The following ORAI2 variants were observed in gnomAD, a reference collection of about 807,000 sequenced individuals.
ORAI2 encodes the protein ORAI calcium release-activated calcium modulator 2, also known as protein orai-2.
In ORAI2, 10 loss-of-function variants were observed where a neutral mutation model predicts 16.2. That is an observed-to-expected ratio of 0.62 (90% CI 0.38 to 1.04). The LOEUF is 1.04. Among genes scored for constraint, ORAI2 ranks in the 50% least tolerant of loss-of-function variants. The pLI is 0.01. For synonymous variants in ORAI2, 150 were observed against 157.5 expected (o/e 0.95, Z 0.35); for missense variants, 238 against 355.5 (o/e 0.67, Z 2.66).
At position 102,456,489 on chromosome 7, in the gene ORAI2, C is replaced by T. The variant is rs1797649992; in HGVS notation, c.*9437C>T. The T allele has an allele frequency of 6.6e-6, 1 of 152,198 alleles. No individual in the cohort carries two copies. Among genetic ancestry groups the T allele is most frequent in the African/African-American group, 2.4e-5 (1 of 41,444 alleles). The allele number at this position is 152,198 out of a possible 1,614,324, so 9.4% of individuals were successfully genotyped here. On this transcript the variant is annotated 3_prime_UTR_variant, in exon 4 of 4. Coordinates refer to ENST00000495936, the MANE Select transcript of ORAI2 (RefSeq NM_001126340.3). The stretch of plus-strand genomic sequence containing the variant: ...GGCTGGCCTCAAGCAATCCTCCCAC[C>T]TGAGCCCCGCAAAGTACTCGGATTA...
In ORAI2 at chr7:102,436,351, G is replaced by A; in HGVS notation, c.-14+18G>A. On this transcript the variant is annotated intron_variant, in intron 2 of 3. Transcript: ENST00000495936. ...ATGACCTGGTAATTGGCATCCCCTG[G>A]CAGAAATAGCACAGAACTGTTCCCA... 1.0e-6 allele frequency: 1 copy of A among 985,400 alleles called. No homozygotes were observed. Among genetic ancestry groups the A allele is most frequent in the Non-Finnish European group, 1.2e-6 (1 of 829,884 alleles). 61.0% of individuals were successfully genotyped at this position (985,400 alleles called of 1,614,324 possible).
rs568125776 is a variant in ORAI2, at chr7:102,449,530, A to C, written c.*2478A>C. The C allele has an allele frequency of 1.3e-5, 2 of 152,290 alleles. No individual in the cohort carries two copies. Among genetic ancestry groups the C allele is most frequent in the African/African-American group, 4.8e-5 (2 of 41,562 alleles). 9.4% of individuals were successfully genotyped at this position (152,290 alleles called of 1,614,324 possible). On this transcript the variant is annotated 3_prime_UTR_variant, in exon 4 of 4. Transcript: ENST00000495936. ...GACCAGCCTCGGCAACAACATGGTGAAACCATCTCTAGCAAAAATACAAAA... is the reference window on the plus strand; with the variant it reads ...GACCAGCCTCGGCAACAACATGGTGCAACCATCTCTAGCAAAAATACAAAA...
Position 102,450,988 on chromosome 7 carries a change from A to T in ORAI2, c.*3936A>T, listed in dbSNP as rs575573923. ...GGCAGAGGTGGGCGGATCGCCTGAG[A>T]TCAGGAGTTCGAGACCAGCCTGGCC... On this transcript the variant is annotated 3_prime_UTR_variant, in exon 4 of 4. Transcript: ENST00000495936. The T allele has an allele frequency of 6.6e-6, 1 of 152,214 alleles. No homozygotes were observed. The highest frequency in any genetic ancestry group is 2.1e-4 in the South Asian group (1 of 4,818). The allele number at this position is 152,214 out of a possible 1,614,324, so 9.4% of individuals were successfully genotyped here.
Position 102,451,843 on chromosome 7 carries a change from C to A in ORAI2, c.*4791C>A, listed in dbSNP as rs1797527232. ...AGGGTACTCATGTCCAGACACGCCG[C>A]CATGGGGCTCCGCCCCGAGAGCGCA... On this transcript the variant is annotated 3_prime_UTR_variant, in exon 4 of 4. Transcript: ENST00000495936. 6.6e-6 allele frequency: 1 copy of A among 152,410 alleles called. No individual in the cohort carries two copies. The highest frequency in any genetic ancestry group is 6.5e-5 in the Admixed American group (1 of 15,308). 9.4% of individuals were successfully genotyped at this position (152,410 alleles called of 1,614,324 possible). A position where few individuals can be genotyped will look rare whatever the true frequency, so the allele number is the denominator to read the frequency against.
At chr7:102,441,721 A>G (rs904227094) in intron 3 of ORAI2, among the ~76,000 whole-genome samples, 7 of 151,684 alleles carry the variant, frequency 4.6e-5, no homozygotes, top group Admixed American at 1.3e-4. Context: ...GAATCTGCAG[A>G]TGTGGAACTC....
intron 3 of ORAI2, 113 bp from the exon 4 acceptor site, chr7:102,446,400 G>A: frequency 8.7e-7 from 1 of 1,151,368 alleles, no homozygotes; most frequent in Non-Finnish European, 1.2e-6. Context: ...CAAGCCCATG[G>A]CTACCCTGTC....
intron 3 of ORAI2, among the ~76,000 whole-genome samples, chr7:102,440,189 A>T (rs997905814): frequency 2.0e-5 from 3 of 152,210 alleles, no homozygotes; most frequent in Non-Finnish European, 4.4e-5. Flanking sequence ...GGCACCACCC[A>T]AAAGTTTGGA....
chr7:102,442,154 G>A (rs900222787), intron 3 of ORAI2, among the ~76,000 whole-genome samples: 8 of 152,030 alleles, frequency 5.3e-5, no homozygotes, highest in African/African-American at 1.7e-4. Flanking sequence ...GGTGGCTCAC[G>A]CCTGTAATCC....
Position 102,433,893 on chromosome 7 carries a change from G to T in ORAI2, c.-123+232G>T, listed in dbSNP as rs550724127. ...CGGTTCCGGACACCGGGGCGTCCCTGGGGGAGGGACAGGGATGCAGCCTAG... is the reference window on the plus strand; with the variant it reads ...CGGTTCCGGACACCGGGGCGTCCCTTGGGGAGGGACAGGGATGCAGCCTAG... On this transcript the variant is annotated intron_variant, in intron 1 of 3. Coordinates refer to ENST00000495936, the MANE Select transcript of ORAI2 (RefSeq NM_001126340.3). The surrounding 1 kb of genome is among the most constrained non-coding windows in gnomAD (Gnocchi z 4.6). 6.6e-5 allele frequency among the ~76,000 whole-genome samples: 10 copies of T among 152,028 alleles called. No individual in the cohort carries two copies. The East Asian group carries it at 1.9e-3, about 30-fold the overall frequency.
intron 3 of ORAI2, among the ~76,000 whole-genome samples, chr7:102,444,508 C>T (rs1797292492): frequency 7.1e-6 from 1 of 140,610 alleles, no homozygotes; most frequent in Non-Finnish European, 1.5e-5. Context: ...CCCCCCCCGC[C>T]CCCCACCCTC....
At chr7:102,437,520 CA>C (rs1797091374) in intron 2 of ORAI2, among the ~76,000 whole-genome samples, 1 of 152,162 alleles carries the variant, frequency 6.6e-6, no homozygotes, top group Non-Finnish European at 1.5e-5. Flanking sequence ...GAGGCTGAGG[CA>C]GGAGAACGGC....
intron 3 of ORAI2, among the ~76,000 whole-genome samples, chr7:102,444,306 GC>G (rs1421620576): frequency 1.3e-5 from 2 of 151,564 alleles, no homozygotes; most frequent in Non-Finnish European, 2.9e-5. Flanking sequence ...AGGCTGGAGT[GC>G]AGTGGCATGA....
rs1457996875 is a variant in ORAI2, at chr7:102,447,068, G to A, written c.*16G>A. ...GGTCTTGTGAGGGGCCGAGGGCCGG[G>A]GCTGGGAGCGGCCCTGTGCCCGGGA... On this transcript the variant is annotated 3_prime_UTR_variant, in exon 4 of 4. Transcript: ENST00000495936. 2.4e-5 allele frequency: 37 copies of A among 1,512,598 alleles called. No individual in the cohort carries two copies. The highest frequency in any genetic ancestry group is 3.1e-5 in the Non-Finnish European group (35 of 1,133,998). 93.7% of individuals were successfully genotyped at this position (1,512,598 alleles called of 1,614,324 possible).
At chr7:102,446,422 G>A in intron 3 of ORAI2, 91 bp from the exon 4 acceptor site, 2 of 1,377,326 alleles carry the variant, frequency 1.5e-6, no homozygotes, top group Admixed American at 2.3e-5. Flanking sequence ...CCCGAACCTG[G>A]CCCAGCCCCT....
chr7:102,446,509 G>T lies in ORAI2; in HGVS notation c.226-4G>T. 4 of 1,603,528 alleles carry T rather than the reference G, an allele frequency of 2.5e-6. No homozygotes were observed. Among genetic ancestry groups the T allele is most frequent in the Non-Finnish European group, 3.4e-6 (4 of 1,175,612 alleles). ...CCAGCACCACTCGTCTGCTGTCCCC[G>T]CAGGTGGCCATGGTGGAGGTGCAGC... On this transcript the variant is annotated splice_region_variant and splice_polypyrimidine_tract_variant and intron_variant, in intron 3 of 3. Coordinates refer to ENST00000495936, the MANE Select transcript of ORAI2 (RefSeq NM_001126340.3).
chr7:102,444,403 C>A (rs1797288910), intron 3 of ORAI2, among the ~76,000 whole-genome samples: 1 of 151,894 alleles, frequency 6.6e-6, no homozygotes, highest in Non-Finnish European at 1.5e-5. Flanking sequence ...CAGGCACGAG[C>A]CACCATGCCC....
Position 102,454,700 on chromosome 7 carries a change from C to CT in ORAI2, c.*7649dup, listed in dbSNP as rs1797603652. 6.6e-6 allele frequency: 1 copy of CT among 152,410 alleles called. No individual in the cohort carries two copies. Among genetic ancestry groups the CT allele is most frequent in the East Asian group, 1.9e-4 (1 of 5,178 alleles). The allele number at this position is 152,410 out of a possible 1,614,324, so 9.4% of individuals were successfully genotyped here. ...AGCCGCCCTTGGAGCGGGCACTTCC[C>CT]TATTTGGGCGTGTCCCAGTCCCATG... On this transcript the variant is annotated 3_prime_UTR_variant, in exon 4 of 4. Transcript: ENST00000495936.
In ORAI2 at chr7:102,448,813, C is replaced by G. The variant is rs1797446608; in HGVS notation, c.*1761C>G. 6.6e-6 allele frequency: 1 copy of G among 151,838 alleles called. No homozygotes were observed. The highest frequency in any genetic ancestry group is 1.9e-4 in the East Asian group (1 of 5,182). The allele number at this position is 151,838 out of a possible 1,614,324, so 9.4% of individuals were successfully genotyped here. A position where few individuals can be genotyped will look rare whatever the true frequency, so the allele number is the denominator to read the frequency against. On this transcript the variant is annotated 3_prime_UTR_variant, in exon 4 of 4. Transcript: ENST00000495936. ...AAGAGAATCACTTGAACCCAGGAGG[C>G]AGAGGTTGCAGTGAGCTGAGATCAC...
Position 102,448,917 on chromosome 7 carries a change from C to CTCTCTCT in ORAI2, c.*1866_*1867insCTCTCTT, listed in dbSNP as rs1797450069. 6.6e-6 allele frequency: 1 copy of CTCTCTCT among 151,528 alleles called. No individual in the cohort carries two copies. Among genetic ancestry groups the CTCTCTCT allele is most frequent in the African/African-American group, 2.4e-5 (1 of 41,188 alleles). The allele number at this position is 151,528 out of a possible 1,614,324, so 9.4% of individuals were successfully genotyped here. A position where few individuals can be genotyped will look rare whatever the true frequency, so the allele number is the denominator to read the frequency against. On this transcript the variant is annotated 3_prime_UTR_variant, in exon 4 of 4. Transcript: ENST00000495936. ...AAAAATCACTGGGCTTCTTCATGCT[C>CTCTCTCT]TGATCACATCTCTCGTAAAAGCTTA...
Sources: gnomAD v4.1 joint callset for allele counts (sites outside exome capture counted in the v4.1 genomes callset) on GRCh38, gnomAD v4.1.1 for gene constraint, Gnocchi (gnomAD v3.1) non-coding constraint, MANE v1.5 for transcripts, NCBI Gene and HGNC (gene_info 2026-07-23, HGNC 2026-07-21) for gene names.